Variants in COPG2 observed in about 807,000 individuals in gnomAD.
COPG2 encodes coat protein complex I subunit gamma 2.
In COPG2, 37 loss-of-function variants were observed where a neutral mutation model predicts 46.3. The ratio of observed to expected loss-of-function variants is 0.80; its 90% CI spans 0.61 to 1.05. COPG2 has a LOEUF of 1.05. COPG2 is among the 50% of genes least tolerant of loss of function. The pLI, the probability that COPG2 is intolerant of heterozygous loss-of-function variation, is 0.00. For missense variants in COPG2, 427 were observed against 387.8 expected, an observed-to-expected ratio of 1.10 and a Z score of -0.85; for synonymous variants, 159 against 129.7, an observed-to-expected ratio of 1.23 and a Z score of -1.53.
intron 20 of COPG2, among the ~76,000 whole-genome samples, chr7:130,538,650 A>C: frequency 7.0e-6 from 1 of 141,952 alleles, no homozygotes; most frequent in East Asian, 2.2e-4. Flanking sequence ...CCTGCATGGA[A>C]CGTACTGGCA....
chr7:130,653,198 GAGA>G, intron 4 of COPG2, among the ~76,000 whole-genome samples: 1 of 152,136 alleles, frequency 6.6e-6, no homozygotes, highest in Non-Finnish European at 1.5e-5. Context: ...TTTCTACTGA[GAGA>G]TACAAACTTA....
chr7:130,558,112 C>A (rs913529511), intron 12 of COPG2, among the ~76,000 whole-genome samples: 4 of 151,936 alleles, frequency 2.6e-5, no homozygotes, highest in African/African-American at 9.7e-5. Context: ...TTCAGCTTTC[C>A]CGTCTACAGA....
intron 5 of COPG2, among the ~76,000 whole-genome samples, chr7:130,633,627 T>A (rs1795272306): frequency 6.6e-6 from 1 of 152,230 alleles, no homozygotes; most frequent in Non-Finnish European, 1.5e-5. Context: ...CAGCCCTTTG[T>A]CAGATGGATA....
intron 3 of COPG2, among the ~76,000 whole-genome samples, chr7:130,663,562 T>C (rs1796018482): frequency 6.6e-6 from 1 of 151,920 alleles, no homozygotes; most frequent in East Asian, 1.9e-4. Context: ...AAAACTAGGC[T>C]TAAGGGGCTG....
At chr7:130,655,028 T>C (rs935883072) in intron 4 of COPG2, among the ~76,000 whole-genome samples, 116 of 152,336 alleles carry the variant, frequency 7.6e-4, no homozygotes, top group African/African-American at 2.7e-3. Flanking sequence ...ATCATGTTAA[T>C]AGTTGTTTTA....
At chr7:130,613,754 A>T (rs1320807799) in intron 6 of COPG2, 118 bp from the exon 7 acceptor site, 2 of 688,530 alleles carry the variant, frequency 2.9e-6, no homozygotes, top group Non-Finnish European at 5.1e-6. Context: ...GCAAATATTC[A>T]GAATGCACTA....
chr7:130,560,435 C>T (rs1793700084), intron 12 of COPG2, among the ~76,000 whole-genome samples: 1 of 152,110 alleles, frequency 6.6e-6, no homozygotes, highest in South Asian at 2.1e-4. Flanking sequence ...AGATTCAACA[C>T]AATCCCAGTC....
intron 5 of COPG2, among the ~76,000 whole-genome samples, chr7:130,618,100 C>CAAAAAAAA (rs10695449): frequency 0.1 from 6,610 of 64,142 alleles, 979 homozygotes; most frequent in Non-Finnish European, 0.16. Context: ...GACCCTGTCT[C>CAAAAAAAA]AAAAAAAAAA....
chr7:130,651,871 T>C (rs1290246388), intron 5 of COPG2, among the ~76,000 whole-genome samples: 1 of 151,804 alleles, frequency 6.6e-6, no homozygotes, highest in Non-Finnish European at 1.5e-5. Flanking sequence ...CAGGTTGGTC[T>C]TGTCCTGACC....
chr7:130,644,534 A>G (rs1316871775), intron 5 of COPG2, among the ~76,000 whole-genome samples: 2 of 152,188 alleles, frequency 1.3e-5, no homozygotes, highest in African/African-American at 4.8e-5. Context: ...TGCTCCATCT[A>G]CCATTTAAGT....
chr7:130,662,673 T>C (rs1554460941), intron 4 of COPG2, among the ~76,000 whole-genome samples: 1 of 152,194 alleles, frequency 6.6e-6, no homozygotes, highest in Non-Finnish European at 1.5e-5. Context: ...AACTGACAAA[T>C]GTGGTAGCTA....
At chr7:130,592,002 G>A (rs368300322) in intron 9 of COPG2, among the ~76,000 whole-genome samples, 2,039 of 152,362 alleles carry the variant, frequency 0.013, 23 homozygotes, top group Middle Eastern at 0.027. Context: ...GATGGTTGCC[G>A]TGTCTGTGTA....
chr7:130,560,586 A>G lies in COPG2; in HGVS notation c.1128+447T>C, dbSNP rs957155368. On this transcript the variant is annotated intron_variant, in intron 12 of 23. Coordinates refer to ENST00000425248, the MANE Select transcript of COPG2 (RefSeq NM_012133.6). ...AGGTACCATAATGCTACATTAATCA[A>G]TATTAGTGTGGTACTGGTACTGGAT... Among the ~76,000 whole-genome samples, 41 of 152,344 alleles carry G rather than the reference A, an allele frequency of 2.7e-4. No individual in the cohort carries two copies. The East Asian group carries it at 7.5e-3, about 28-fold the overall frequency.
chr7:130,626,998 T>C (rs1795132117), intron 5 of COPG2, among the ~76,000 whole-genome samples: 1 of 152,130 alleles, frequency 6.6e-6, no homozygotes, highest in African/African-American at 2.4e-5. Flanking sequence ...AATTCTCTCA[T>C]CTCAGCCTCC....
chr7:130,508,528 T>C (rs782777255), intron 21 of COPG2, 34 bp downstream of exon 21: 3 of 748,632 alleles, frequency 4.0e-6, no homozygotes, highest in Admixed American at 3.8e-5. Flanking sequence ...GTTGTGAAGG[T>C]GTCAAAGAAA....
At chr7:130,546,620 G>A (rs1221693726) in intron 20 of COPG2, among the ~76,000 whole-genome samples, 2 of 152,156 alleles carry the variant, frequency 1.3e-5, no homozygotes, top group African/African-American at 4.8e-5. Flanking sequence ...TGGTGCCAAC[G>A]TGAATCTACC....
intron 9 of COPG2, among the ~76,000 whole-genome samples, chr7:130,592,195 T>C (rs558527783): frequency 0.017 from 2,659 of 152,252 alleles, 79 homozygotes; most frequent in African/African-American, 0.061. Flanking sequence ...AACAGATGCT[T>C]GAAGGCAGCA....
intron 9 of COPG2, among the ~76,000 whole-genome samples, chr7:130,575,576 T>C (rs1233654415): frequency 1.3e-5 from 2 of 152,088 alleles, no homozygotes; most frequent in African/African-American, 2.4e-5. Context: ...AAACAAATCC[T>C]GGAAACACAT....
intron 4 of COPG2, among the ~76,000 whole-genome samples, chr7:130,658,972 GC>G (rs1198590880): frequency 2.0e-5 from 3 of 151,998 alleles, no homozygotes; most frequent in African/African-American, 7.2e-5. Context: ...GAGCCACCGG[GC>G]CCAGCCGACA....
Sources: gnomAD v4.1 joint callset for allele counts (sites outside exome capture counted in the v4.1 genomes callset) on GRCh38, gnomAD v4.1.1 for gene constraint, MANE v1.5 for transcripts, NCBI Gene and HGNC (gene_info 2026-07-23, HGNC 2026-07-21) for gene names.